The following IKZF1 variants were observed in gnomAD, a reference collection of about 807,000 sequenced individuals.
The protein encoded by IKZF1 is DNA-binding protein Ikaros.
In IKZF1, 10 loss-of-function variants were observed where a neutral mutation model predicts 51.7. The observed-to-expected ratio is 0.19, with a 90% CI of 0.12 to 0.33. The LOEUF (loss-of-function observed/expected upper bound fraction) is 0.33. Among genes scored for constraint, IKZF1 ranks in the 10% least tolerant of loss-of-function variants. The pLI, the probability that IKZF1 is intolerant of heterozygous loss-of-function variation, is 1.00. For missense variants in IKZF1, 484 were observed against 707.5 expected, an observed-to-expected ratio of 0.68 and a Z score of 3.58; for synonymous variants, 280 against 282.3, an observed-to-expected ratio of 0.99 and a Z score of 0.08.
intron 7 of IKZF1, among the ~76,000 whole-genome samples, chr7:50,392,821 T>C (rs903511407): frequency 1.3e-5 from 2 of 152,188 alleles, no homozygotes; most frequent in Non-Finnish European, 2.9e-5. Flanking sequence ...TCTAGGCAGA[T>C]GTTTAAAATC....
intron 3 of IKZF1, among the ~76,000 whole-genome samples, chr7:50,367,066 C>A (rs1303807011): frequency 6.6e-6 from 1 of 152,214 alleles, no homozygotes; most frequent in Non-Finnish European, 1.5e-5. Flanking sequence ...GTCTCTCAAA[C>A]TATGTTTGCC....
intron 2 of IKZF1, among the ~76,000 whole-genome samples, chr7:50,323,840 A>G (rs1794093799): frequency 6.6e-6 from 1 of 152,230 alleles, no homozygotes; most frequent in Admixed American, 6.5e-5. Context: ...ATTAGAATCC[A>G]TGCACATTAT....
rs1034473574 is a variant in IKZF1 at position 50,401,142 on chromosome 7, C to G, written c.*515C>G. ...ACCCAAGTGCCAAGACACAGCAGGG[C>G]CAACAACCTGTGCCCAGGCCAGCTT... On this transcript the variant is annotated 3_prime_UTR_variant, in exon 8 of 8. Transcript: ENST00000331340. 8.1e-6 allele frequency: 2 copies of G among 246,044 alleles called. No individual in the cohort carries two copies. The highest frequency in any genetic ancestry group is 4.4e-5 in the African/African-American group (2 of 45,334). The allele number at this position is 246,044 out of a possible 1,614,324, so 15.2% of individuals were successfully genotyped here.
Position 50,391,848 on chromosome 7 carries a change from C to G in IKZF1, c.835C>G (p.Pro279Ala), listed in dbSNP as rs1815171522. 1 of 1,612,758 alleles carries G rather than the reference C, an allele frequency of 6.2e-7. No homozygotes were observed. Among genetic ancestry groups the G allele is most frequent in the Non-Finnish European group, 8.5e-7 (1 of 1,179,438 alleles). The change falls in exon 7 of 8, where the codon CCT becomes GCT. Residue 279 changes from proline to alanine, a missense_variant. This residue lies in a region of IKZF1 where 172 missense variants were observed against 192.7 expected (regional missense o/e 0.89). Coordinates refer to ENST00000331340, the MANE Select transcript of IKZF1 (RefSeq NM_006060.6). ...SNVAKRKSSM[P>A]QKFLGDKGLS... is the part of the protein sequence containing the mutation. Reference sequence around the variant, plus strand: ...CGTCGCCAAACGTAAGAGCTCTATGCCTCAGAAATTTCTTGGTAAGAGTTA... The same window carrying G: ...CGTCGCCAAACGTAAGAGCTCTATGGCTCAGAAATTTCTTGGTAAGAGTTA...
chr7:50,387,601 A>G, intron 6 of IKZF1, 131 bp downstream of exon 6: 1 of 1,360,404 alleles, frequency 7.4e-7, no homozygotes, highest in East Asian at 2.8e-5. Context: ...GAGGGAGGGA[A>G]GTTTTTGGCC....
intron 1 of IKZF1, among the ~76,000 whole-genome samples, chr7:50,308,489 T>G (rs1789350460): frequency 6.6e-6 from 1 of 152,224 alleles, no homozygotes; most frequent in Non-Finnish European, 1.5e-5. Flanking sequence ...TTAATTCTTT[T>G]CTCCCATGGC....
chr7:50,367,851 TATAGA>T, intron 3 of IKZF1: 1 of 598,230 alleles, frequency 1.7e-6, no homozygotes, highest in Non-Finnish European at 3.0e-6. Context: ...TTCTGTTGCC[TATAGA>T]AGGGCCAGCA....
intron 3 of IKZF1, among the ~76,000 whole-genome samples, chr7:50,372,540 C>T (rs775578118): frequency 4.6e-5 from 7 of 152,230 alleles, no homozygotes; most frequent in African/African-American, 1.7e-4. Flanking sequence ...GTTCCTCTGT[C>T]CTTTCCCCAT....
Position 50,400,951 on chromosome 7 carries a change from CAG to C in IKZF1, c.*330_*331del, listed in dbSNP as rs1250148585. The stretch of plus-strand genomic sequence containing the variant: ...TCTCCAAACGATTAGTCTAAATTTT[CAG>C]AGAGAAATAGATAAAACACGCCACA... On this transcript the variant is annotated 3_prime_UTR_variant, in exon 8 of 8. Coordinates refer to ENST00000331340, the MANE Select transcript of IKZF1 (RefSeq NM_006060.6). This position sits in a 1 kb window ranked among gnomAD's most constrained non-coding sequence, Gnocchi z 5.4. 9.2e-6 allele frequency: 4 copies of C among 434,544 alleles called. No homozygotes were observed. The highest frequency in any genetic ancestry group is 1.7e-5 in the Non-Finnish European group (4 of 240,360). 26.9% of individuals were successfully genotyped at this position (434,544 alleles called of 1,614,324 possible).
At chr7:50,346,149 T>C (rs1253207362) in intron 3 of IKZF1, among the ~76,000 whole-genome samples, 3 of 152,196 alleles carry the variant, frequency 2.0e-5, no homozygotes, top group African/African-American at 7.2e-5. Flanking sequence ...GCTAGCCATG[T>C]GCACGGTGTG....
intron 3 of IKZF1, among the ~76,000 whole-genome samples, chr7:50,367,316 G>A (rs372468969): frequency 7.0e-5 from 10 of 142,644 alleles, no homozygotes; most frequent in Middle Eastern, 3.4e-3. Flanking sequence ...AAGATTGTGC[G>A]TGTGTGTGTG....
intron 2 of IKZF1, 40 bp from the exon 3 acceptor site, chr7:50,327,598 C>T (rs747957607): frequency 1.9e-6 from 3 of 1,560,692 alleles, no homozygotes; most frequent in South Asian, 1.2e-5. Context: ...GGCACCTTGA[C>T]CATGACCGCC....
intron 3 of IKZF1, among the ~76,000 whole-genome samples, chr7:50,358,691 G>A (rs1804263407): frequency 6.6e-6 from 1 of 152,140 alleles, no homozygotes; most frequent in Non-Finnish European, 1.5e-5. Flanking sequence ...TTATTGTAAG[G>A]GCTAAATAAA....
At chr7:50,315,611 G>C (rs6421315) in intron 1 of IKZF1, among the ~76,000 whole-genome samples, 61,427 of 152,086 alleles carry the variant, frequency 0.4, 12,739 homozygotes, top group East Asian at 0.6. Context: ...CTTCTTTTAG[G>C]TCTTGCCTGA....
chr7:50,398,718 G>T (rs1817353151), intron 7 of IKZF1, among the ~76,000 whole-genome samples: 1 of 152,210 alleles, frequency 6.6e-6, no homozygotes, highest in East Asian at 1.9e-4. Context: ...TTGAAGGATG[G>T]AAATATACAG....
chr7:50,306,168 A>C (rs1788730476), intron 1 of IKZF1, among the ~76,000 whole-genome samples: 1 of 152,232 alleles, frequency 6.6e-6, no homozygotes, highest in African/African-American at 2.4e-5. Context: ...ATCTTGTAAA[A>C]TGCAGAACAA....
Position 50,400,635 on chromosome 7 carries a change from C to G in IKZF1, c.*8C>G. The G allele has an allele frequency of 6.2e-7, 1 of 1,601,990 alleles. No homozygotes were observed. Among genetic ancestry groups the G allele is most frequent in the Admixed American group, 1.7e-5 (1 of 59,532 alleles). On this transcript the variant is annotated 3_prime_UTR_variant, in exon 8 of 8. Transcript: ENST00000331340. The surrounding 1 kb of genome is among the most constrained non-coding windows in gnomAD (Gnocchi z 5.4). ...CGCTTCCACATGAGCTAAAGCCCTC[C>G]CGCGCCCCCACCCCAGACCCCGAGC...
At position 50,399,966 on chromosome 7, in the gene IKZF1, A is replaced by G. The variant is rs1351449965; in HGVS notation, c.899A>G (p.Glu300Gly). Residue 300 changes from glutamate (E) to glycine (G), a missense_variant, in exon 8 of 8, where the codon GAG becomes GGG. Glu to Gly is a moderately conservative substitution (Grantham distance 98, BLOSUM62 -2). This residue lies in a region of IKZF1 where 172 missense variants were observed against 192.7 expected (regional missense o/e 0.89). Transcript: ENST00000331340. ...CCCTACGACAGCAGCGCCAGCTACG[A>G]GAAGGAGAACGAAATGATGAAGTCC... ...DTPYDSSASYEKENEMMKSHV... is the reference protein window; with the variant it reads ...DTPYDSSASYGKENEMMKSHV... 7.4e-6 allele frequency: 12 copies of G among 1,613,542 alleles called. No homozygotes were observed. Among genetic ancestry groups the G allele is most frequent in the Non-Finnish European group, 1.0e-5 (12 of 1,179,780 alleles).
rs1818794800 is a variant in IKZF1, at chr7:50,405,076, T to C, written c.*4449T>C. ...ACCTTTTCTGTCAAAATAAAATGTC[T>C]TGGAGGTTATGACTCCTTGGTGAAA... is the stretch of plus-strand genomic sequence containing the variant. On this transcript the variant is annotated 3_prime_UTR_variant, in exon 8 of 8. Coordinates refer to ENST00000331340, the MANE Select transcript of IKZF1 (RefSeq NM_006060.6). 3 of 189,592 alleles carry C rather than the reference T, an allele frequency of 1.6e-5. No homozygotes were observed. Among genetic ancestry groups the C allele is most frequent in the Admixed American group, 6.2e-5 (1 of 16,220 alleles). The allele number at this position is 189,592 out of a possible 1,614,324, so 11.7% of individuals were successfully genotyped here.
Sources: gnomAD v4.1 joint callset for allele counts (sites outside exome capture counted in the v4.1 genomes callset) on GRCh38, gnomAD v4.1.1 for gene constraint, gnomAD v4.1.1 regional missense constraint, Gnocchi (gnomAD v3.1) non-coding constraint, MANE v1.5 for transcripts, NCBI Gene and HGNC (gene_info 2026-07-23, HGNC 2026-07-21) for gene names.